Variants in MACF1 observed in about 807,000 individuals in gnomAD.
The protein encoded by MACF1 is microtubule actin crosslinking factor 1.
Under a neutral mutation model 854.8 loss-of-function variants are expected in MACF1, and 193 were observed. The ratio of observed to expected loss-of-function variants is 0.23; its 90% CI spans 0.20 to 0.25. The LOEUF (loss-of-function observed/expected upper bound fraction) is 0.25. MACF1 is among the 10% of genes least tolerant of loss of function. The probability of loss-of-function intolerance (pLI) is 1.00; values close to 1 mark genes in which losing one functional copy is unlikely to be tolerated. For missense variants in MACF1, 7,722 were observed against 8,929.1 expected (o/e 0.86, Z 5.45); for synonymous variants, 3,185 against 3,226.7 (o/e 0.99, Z 0.44).
upstream of MACF1, among the ~76,000 whole-genome samples, chr1:39,202,168 G>A (rs1476138380): frequency 6.7e-6 from 1 of 148,174 alleles, no homozygotes; most frequent in Non-Finnish European, 1.5e-5. Context: ...GGGTTTCACG[G>A]TGTTAGCCAT....
At chr1:39,459,782 A>T (rs1163663088) in intron 91 of MACF1, 2 of 1,291,414 alleles carry the variant, frequency 1.5e-6, no homozygotes, top group Non-Finnish European at 2.0e-6. Context: ...CAAGCCTCTA[A>T]TATCTTTTGT....
intron 2 of MACF1, among the ~76,000 whole-genome samples, chr1:39,098,636 G>A (rs1337101641): frequency 1.3e-5 from 2 of 152,200 alleles, no homozygotes; most frequent in Non-Finnish European, 2.9e-5. Context: ...AGTTGGCTCT[G>A]ACGAGCCACG....
At chr1:39,351,327 A>G (rs1163828379) in intron 43 of MACF1, among the ~76,000 whole-genome samples, 4 of 152,016 alleles carry the variant, frequency 2.6e-5, no homozygotes, top group East Asian at 1.9e-4. Context: ...TAATTTTTGT[A>G]TTTTTAGTAG....
chr1:39,412,962 T>G, intron 58 of MACF1: 1 of 1,593,704 alleles, frequency 6.3e-7, no homozygotes, highest in East Asian at 2.3e-5. Context: ...TCACAGCTGC[T>G]GCAGTATCAG....
intron 2 of MACF1, among the ~76,000 whole-genome samples, chr1:39,127,095 G>A (rs1642879920): frequency 6.6e-6 from 1 of 152,112 alleles, no homozygotes; most frequent in Non-Finnish European, 1.5e-5. Context: ...GGTAGTACAC[G>A]CCTGTAATCC....
Position 39,105,624 on chromosome 1 carries a change from A to G in MACF1, c.220+21186A>G. 8.1e-7 allele frequency: 1 copy of G among 1,227,514 alleles called. No individual in the cohort carries two copies. Among genetic ancestry groups the G allele is most frequent in the Non-Finnish European group, 1.0e-6 (1 of 958,120 alleles). The allele number at this position is 1,227,514 out of a possible 1,614,324, so 76.0% of individuals were successfully genotyped here. On this transcript the variant is annotated intron_variant, in intron 2 of 93. Transcript: ENST00000361689. The surrounding 1 kb of genome is among the most constrained non-coding windows in gnomAD (Gnocchi z 5.9). ...CGGCGAGAAGGCGGTGCGGGCGGCC[A>G]TGGCCGGCTACGTGCCGGGTCAGCA...
intron 2 of MACF1, among the ~76,000 whole-genome samples, chr1:39,107,802 T>G (rs910306617): frequency 6.6e-6 from 1 of 152,190 alleles, no homozygotes; most frequent in African/African-American, 2.4e-5. Flanking sequence ...CCTTATTGGC[T>G]GGTCACCACA....
intron 86 of MACF1, 149 bp from the exon 87 acceptor site, chr1:39,452,535 A>G (rs545908055): frequency 5.1e-6 from 6 of 1,184,624 alleles, no homozygotes; most frequent in South Asian, 4.6e-5. Context: ...TTGATTTTCA[A>G]AGATCTACAA....
rs1484226586 is a variant in MACF1, at chr1:39,333,849, T to A, written c.7261T>A (p.Ser2421Thr). 6.2e-7 allele frequency: 1 copy of A among 1,614,054 alleles called. No individual in the cohort carries two copies. Among genetic ancestry groups the A allele is most frequent in the Non-Finnish European group, 8.5e-7 (1 of 1,180,030 alleles). The part of the protein sequence containing the change: ...IIDLKRGKKV[S>T]VTLASTLGLV... ...TGATCTGAAACGAGGCAAAAAAGTT[T>A]CAGTAACTTTGGCCTCAACTCTTGG... The change falls in exon 37 of 101, where the codon TCA becomes ACA. Residue 2421 changes from serine (S) to threonine (T), a missense_variant. Physicochemically the swap from Ser to Thr is moderately conservative, Grantham distance 58. Around this residue, in one of 15 missense-constraint regions of MACF1, gnomAD observed 1,531 missense variants for 1,601.6 expected, o/e 0.96. Transcript: ENST00000564288.
chr1:39,237,445 A>G (rs1006162418), intron 2 of MACF1, among the ~76,000 whole-genome samples: 3 of 152,244 alleles, frequency 2.0e-5, no homozygotes, highest in African/African-American at 7.2e-5. Context: ...GAAGTATCCA[A>G]TAAGTACTTG....
At chr1:39,227,484 A>G (rs1644729871) in intron 1 of MACF1, among the ~76,000 whole-genome samples, 1 of 152,326 alleles carries the variant, frequency 6.6e-6, no homozygotes, top group South Asian at 2.1e-4. Context: ...ACACTATATA[A>G]TTATATAAGT....
chr1:39,236,641 A>C (rs1300613552), intron 2 of MACF1, among the ~76,000 whole-genome samples: 2 of 152,178 alleles, frequency 1.3e-5, no homozygotes, highest in African/African-American at 4.8e-5. Context: ...AGAGAGAAGT[A>C]AGGAGAAAAG....
rs527500965 is a variant in MACF1, at chr1:39,333,268, A to G, written c.6680A>G (p.Lys2227Arg). The change falls in exon 37 of 101, where the codon AAG becomes AGG. Residue 2227 changes from lysine (K) to arginine (R), a missense_variant. This residue lies in a region of MACF1 where 1,531 missense variants were observed against 1,601.6 expected (regional missense o/e 0.96). Coordinates refer to ENST00000564288, the MANE Select transcript of MACF1 (RefSeq NM_001394062.1). ...GGGAATGTTCATCCTCTGGACAAAA[A>G]GGAAATGTTAAAGAAAACATTTCTG... ...TDGNVHPLDK[K>R]EMLKKTFLAK... The G allele has an allele frequency of 6.2e-7, 1 of 1,614,100 alleles. No homozygotes were observed. The highest frequency in any genetic ancestry group is 1.7e-5 in the Admixed American group (1 of 60,010).
chr1:39,427,543 A>G lies in MACF1; in HGVS notation c.16405A>G (p.Lys5469Glu), dbSNP rs1265874219. Residue 5469 changes from lysine to glutamate, a missense_variant, in exon 62 of 101, where the codon AAA becomes GAA. Coordinates refer to ENST00000564288, the MANE Select transcript of MACF1 (RefSeq NM_001394062.1). ...PISDFLSVTE[K>E]KLANSEPVGT... ...TTCTGACTTCTTATCTGTCACAGAG[A>G]AAAAGCTTGCTAACTCAGAACCTGT... The G allele has an allele frequency of 6.2e-7, 1 of 1,614,092 alleles. No individual in the cohort carries two copies. The highest frequency in any genetic ancestry group is 8.5e-7 in the Non-Finnish European group (1 of 1,179,958).
intron 2 of MACF1, among the ~76,000 whole-genome samples, chr1:39,159,029 A>G (rs1264601907): frequency 6.6e-6 from 1 of 152,164 alleles, no homozygotes; most frequent in African/African-American, 2.4e-5. Flanking sequence ...AGGTATTACA[A>G]GGCTTCAGGC....
chr1:39,322,730 G>A lies in MACF1; in HGVS notation c.4137+15G>A, dbSNP rs779449676. On this transcript the variant is annotated intron_variant, in intron 32 of 100. Transcript: ENST00000564288. The stretch of plus-strand genomic sequence containing the variant: ...TCACTCAAGAGGTGAGAGGGTGGGG[G>A]AAGGAAATACACCACTGTCTTCCCT... The A allele has an allele frequency of 3.7e-6, 6 of 1,609,038 alleles. No homozygotes were observed. The highest frequency in any genetic ancestry group is 4.3e-6 in the Non-Finnish European group (5 of 1,175,392).
intron 77 of MACF1, 51 bp downstream of exon 77, chr1:39,442,618 G>T (rs370052038): frequency 1.1e-5 from 17 of 1,609,938 alleles, no homozygotes; most frequent in Admixed American, 6.7e-5. Flanking sequence ...GAGACCAGAT[G>T]CTGCCACCAG....
chr1:39,311,174 CT>C (rs1451721690), intron 26 of MACF1, among the ~76,000 whole-genome samples, 174 bp downstream of exon 26: 11 of 152,334 alleles, frequency 7.2e-5, no homozygotes, highest in African/African-American at 2.6e-4. Flanking sequence ...GTGATTTCAG[CT>C]CCATGTGTAT....
At chr1:39,181,482 C>T (rs1557502340) in intron 2 of MACF1, among the ~76,000 whole-genome samples, 1 of 152,058 alleles carries the variant, frequency 6.6e-6, no homozygotes, top group Non-Finnish European at 1.5e-5. Flanking sequence ...TCTTTCTTCT[C>T]CTCCTCCTCC....
Sources: allele counts gnomAD v4.1 joint callset (sites outside exome capture counted in the v4.1 genomes callset), GRCh38; gene constraint gnomAD v4.1.1; regional missense constraint gnomAD v4.1.1; non-coding constraint Gnocchi (gnomAD v3.1); transcripts MANE v1.5; gene names NCBI Gene and HGNC (gene_info 2026-07-23, HGNC 2026-07-21).